UPK1B: variants seen among roughly 807,000 people sequenced by gnomAD.
UPK1B encodes the protein uroplakin-1b.
Under a neutral mutation model 34.2 loss-of-function variants are expected in UPK1B, and 28 were observed. That is an observed-to-expected ratio of 0.82 (90% CI 0.61 to 1.12). The LOEUF is 1.12. Ranked by LOEUF, UPK1B falls within the 50% of genes most tolerant of loss-of-function variation. The probability of loss-of-function intolerance (pLI) is 0.00; values close to 1 mark genes in which losing one functional copy is unlikely to be tolerated. For synonymous variants in UPK1B, 81 were observed against 110.4 expected, an observed-to-expected ratio of 0.73 and a Z score of 1.67; for missense variants, 325 against 320.9, an observed-to-expected ratio of 1.01 and a Z score of -0.10.
At chr3:119,183,541 C>T (rs376686464) in intron 1 of UPK1B, among the ~76,000 whole-genome samples, 90 of 152,270 alleles carry the variant, frequency 5.9e-4, no homozygotes, top group African/African-American at 2.1e-3. Context: ...GGATTACAGG[C>T]GTGAACCACC....
intron 6 of UPK1B, among the ~76,000 whole-genome samples, chr3:119,196,618 CA>C (rs1559903870): frequency 6.7e-6 from 1 of 148,984 alleles, no homozygotes; most frequent in Non-Finnish European, 1.5e-5. Flanking sequence ...CGGCTCACTG[CA>C]ACCTCCACCT....
intron 4 of UPK1B, among the ~76,000 whole-genome samples, chr3:119,190,610 G>C (rs1490098791): frequency 6.6e-6 from 1 of 152,226 alleles, no homozygotes; most frequent in Non-Finnish European, 1.5e-5. Context: ...GCCCAAGTTT[G>C]TAATCCCCTG....
At chr3:119,190,673 T>C (rs2078039852) in intron 4 of UPK1B, among the ~76,000 whole-genome samples, 1 of 152,218 alleles carries the variant, frequency 6.6e-6, no homozygotes, top group Admixed American at 6.5e-5. Context: ...AGGATCTCTG[T>C]TCTACCTCAG....
At chr3:119,192,995 T>TG (rs58574225) in intron 5 of UPK1B, among the ~76,000 whole-genome samples, 152,280 of 152,282 alleles carry the variant, frequency 1, 76,139 homozygotes, top group Non-Finnish European at 1. Context: ...AATTGGCCTC[T>TG]GCCTCACCAC....
intron 1 of UPK1B, among the ~76,000 whole-genome samples, chr3:119,179,352 G>GATAGATAT (rs2077974672): frequency 4.3e-5 from 2 of 46,902 alleles, no homozygotes; most frequent in East Asian, 4.8e-4. Context: ...GAGAGAGGGA[G>GATAGATAT]ATATATATAT....
intron 1 of UPK1B, among the ~76,000 whole-genome samples, chr3:119,179,805 C>CTTTT (rs869040325): frequency 2.0e-5 from 1 of 50,556 alleles, no homozygotes; most frequent in African/African-American, 8.3e-5. Flanking sequence ...CCACGCCCGG[C>CTTTT]TTTTTTTTTT....
intron 4 of UPK1B, 53 bp from the exon 5 acceptor site, chr3:119,190,929 C>T: frequency 1.4e-5 from 23 of 1,603,426 alleles, no homozygotes; most frequent in South Asian, 3.3e-5. Context: ...TTTTCCTCTC[C>T]TTGAAAATTA....
At chr3:119,174,900 T>C (rs2077946753) in intron 1 of UPK1B, among the ~76,000 whole-genome samples, 1 of 151,626 alleles carries the variant, frequency 6.6e-6, no homozygotes, top group Admixed American at 6.6e-5. Context: ...CTATTTTTTT[T>C]TTTTTTAACT....
chr3:119,191,795 T>C (rs902771820), intron 5 of UPK1B, among the ~76,000 whole-genome samples: 1 of 152,148 alleles, frequency 6.6e-6, no homozygotes, highest in Non-Finnish European at 1.5e-5. Flanking sequence ...ATTGGCTAGG[T>C]GTCCTTCTTG....
At chr3:119,195,812 T>C (rs2078064311) in intron 6 of UPK1B, among the ~76,000 whole-genome samples, 1 of 152,252 alleles carries the variant, frequency 6.6e-6, no homozygotes. Flanking sequence ...CTAGCACATA[T>C]AATATTTTAG....
intron 6 of UPK1B, among the ~76,000 whole-genome samples, chr3:119,196,896 T>G (rs568347531): frequency 6.6e-6 from 1 of 152,124 alleles, no homozygotes; most frequent in African/African-American, 2.4e-5. Context: ...CAAGCTGGAG[T>G]GCCATGCTGC....
chr3:119,177,598 A>C (rs2077962885), intron 1 of UPK1B, among the ~76,000 whole-genome samples: 2 of 152,260 alleles, frequency 1.3e-5, no homozygotes, highest in African/African-American at 4.8e-5. Context: ...CTCTCAAATT[A>C]CATATCTTCT....
intron 1 of UPK1B, among the ~76,000 whole-genome samples, chr3:119,177,068 G>A (rs2077960175): frequency 6.6e-6 from 1 of 152,186 alleles, no homozygotes; most frequent in African/African-American, 2.4e-5. Context: ...CATTGACATG[G>A]ATGGCTCATG....
chr3:119,194,442 C>A (rs768256490), intron 6 of UPK1B, 44 bp downstream of exon 6: 63 of 1,533,290 alleles, frequency 4.1e-5, no homozygotes, highest in Non-Finnish European at 5.4e-5. Flanking sequence ...GGTTCTGCTG[C>A]TCTTTATGAG....
chr3:119,191,939 A>G (rs138992499), intron 5 of UPK1B, among the ~76,000 whole-genome samples: 2 of 152,058 alleles, frequency 1.3e-5, no homozygotes, highest in African/African-American at 4.8e-5. Flanking sequence ...TCACTTAACT[A>G]TCTACCTCTT....
chr3:119,183,206 G>GCTTC (rs1228080065), intron 1 of UPK1B, among the ~76,000 whole-genome samples: 1 of 151,966 alleles, frequency 6.6e-6, no homozygotes, highest in Non-Finnish European at 1.5e-5. Flanking sequence ...TTCAGTCTCA[G>GCTTC]CTTCTGCACT....
In UPK1B at chr3:119,199,241, C is replaced by T. The variant is rs189329450; in HGVS notation, c.732+101C>T. Reference sequence around the variant, plus strand: ...TCAACCACACTAGAAAGTCTAGAAACAAAACCTCAGGCCTGAAGGCTAGTC... The same window carrying T: ...TCAACCACACTAGAAAGTCTAGAAATAAAACCTCAGGCCTGAAGGCTAGTC... On this transcript the variant is annotated intron_variant, in intron 7 of 7. Transcript: ENST00000264234. 422 of 1,358,946 alleles carry T rather than the reference C, an allele frequency of 3.1e-4. No individual in the cohort carries two copies. In the African/African-American group the frequency reaches 5.5e-3, roughly 18 times the overall value. The allele number at this position is 1,358,946 out of a possible 1,614,324, so 84.2% of individuals were successfully genotyped here. A position where few individuals can be genotyped will look rare whatever the true frequency, so the allele number is the denominator to read the frequency against.
chr3:119,186,511 C>T (rs997613507), intron 1 of UPK1B, among the ~76,000 whole-genome samples: 1 of 152,248 alleles, frequency 6.6e-6, no homozygotes, highest in Non-Finnish European at 1.5e-5. Flanking sequence ...CTGAAAGGCA[C>T]TGACCAGGCT....
At position 119,194,270 on chromosome 3, in the gene UPK1B, G is replaced by T; in HGVS notation, c.520G>T (p.Ala174Ser). The T allele has an allele frequency of 6.2e-7, 1 of 1,614,016 alleles. No individual in the cohort carries two copies. Among genetic ancestry groups the T allele is most frequent in the Non-Finnish European group, 8.5e-7 (1 of 1,179,934 alleles). The change falls in exon 6 of 8, where the codon GCC becomes TCC. Residue 174 changes from alanine to serine, a missense_variant. Physicochemically the swap from Ala to Ser is moderately conservative, Grantham distance 99. Coordinates refer to ENST00000264234, the MANE Select transcript of UPK1B (RefSeq NM_006952.4). ...GPSDWQKYTS[A>S]FRTENNDADY... ...ATCAGACTGGCAAAAATACACATCTGCCTTCCGGACTGAGAATAATGATGC... is the reference window on the plus strand; with the variant it reads ...ATCAGACTGGCAAAAATACACATCTTCCTTCCGGACTGAGAATAATGATGC...
Sources: allele counts gnomAD v4.1 joint callset (sites outside exome capture counted in the v4.1 genomes callset), GRCh38; gene constraint gnomAD v4.1.1; transcripts MANE v1.5; gene names NCBI Gene and HGNC (gene_info 2026-07-23, HGNC 2026-07-21).